The following ANKRD44 variants were observed in gnomAD, a reference collection of about 807,000 sequenced individuals.
ANKRD44 encodes the protein serine/threonine-protein phosphatase 6 regulatory ankyrin repeat subunit B.
A neutral mutation model predicts 116.0 loss-of-function variants in ANKRD44; 35 were observed. The ratio of observed to expected loss-of-function variants is 0.30; its 90% CI spans 0.23 to 0.40. The LOEUF is 0.40. Ranked by LOEUF, ANKRD44 falls within the 10% of genes least tolerant of loss-of-function variation. The pLI, the probability that ANKRD44 is intolerant of heterozygous loss-of-function variation, is 1.00. For missense variants in ANKRD44, 1,014 were observed against 1,242.6 expected, an observed-to-expected ratio of 0.82 and a Z score of 2.77; for synonymous variants, 435 against 461.8, an observed-to-expected ratio of 0.94 and a Z score of 0.74.
intron 2 of ANKRD44, among the ~76,000 whole-genome samples, chr2:197,179,127 A>C (rs1299514981): frequency 6.6e-6 from 1 of 152,204 alleles, no homozygotes; most frequent in Non-Finnish European, 1.5e-5. Context: ...AGTTGCTTCT[A>C]ATCCTGGACT....
intron 16 of ANKRD44, among the ~76,000 whole-genome samples, chr2:197,059,577 T>C (rs945735593): frequency 6.6e-6 from 1 of 152,178 alleles, no homozygotes; most frequent in African/African-American, 2.4e-5. Context: ...TTCAAGTAAG[T>C]AGGTAAAGAA....
intron 20 of ANKRD44, 122 bp from the exon 21 acceptor site, chr2:197,006,032 ACT>A (rs1559411289): frequency 4.7e-6 from 4 of 846,858 alleles, no homozygotes; most frequent in South Asian, 1.6e-5. Flanking sequence ...AGGAAGGCAG[ACT>A]CTGTCCTATT....
intron 16 of ANKRD44, among the ~76,000 whole-genome samples, chr2:197,070,555 T>C (rs528785024): frequency 2.6e-5 from 4 of 152,204 alleles, no homozygotes; most frequent in Non-Finnish European, 5.9e-5. Flanking sequence ...CTGACTGATT[T>C]TCAAATATTG....
chr2:197,081,673 T>C lies in ANKRD44; in HGVS notation c.1510A>G (p.Arg504Gly), dbSNP rs2077800051. The C allele has an allele frequency of 2.5e-6, 4 of 1,614,024 alleles. No individual in the cohort carries two copies. Among genetic ancestry groups the C allele is most frequent in the Non-Finnish European group, 3.4e-6 (4 of 1,179,898 alleles). Reference sequence around the variant, plus strand: ...GTGGCTTCCTTTTCCTTCAGCTCCCTGGCTCTTTCAAGTTCTTCTGAATTA... The same window carrying C: ...GTGGCTTCCTTTTCCTTCAGCTCCCCGGCTCTTTCAAGTTCTTCTGAATTA... ...HDNSEELERA[R>G]ELKEKEATLC... is the part of the protein sequence containing the mutation. Residue 504 changes from arginine to glycine, a missense_variant, in exon 15 of 28, where the codon AGG (arginine) becomes GGG (glycine). Arg to Gly is a moderately radical substitution (Grantham distance 125). Transcript: ENST00000282272.
intron 17 of ANKRD44, among the ~76,000 whole-genome samples, chr2:197,021,891 C>A (rs1157453097): frequency 6.6e-6 from 1 of 152,224 alleles, no homozygotes; most frequent in African/African-American, 2.4e-5. Context: ...GGGATCTCAA[C>A]AGAATCCATG....
rs376988652 is a variant in ANKRD44, at chr2:196,995,411, G to C, written c.2799C>G (p.Ser933Arg). 1 of 1,611,538 alleles carries C rather than the reference G, an allele frequency of 6.2e-7. No homozygotes were observed. Among genetic ancestry groups the C allele is most frequent in the Non-Finnish European group, 8.5e-7 (1 of 1,178,872 alleles). The change falls in exon 26 of 28, where the codon AGC becomes AGG. Residue 933 changes from serine (S) to arginine (R), a missense_variant. Transcript: ENST00000282272. The part of the protein sequence containing the change: ...LLILDKIQDE[S>R]LINEKNNALQ... ...GTGCATTATTTTTTTCATTAATAAGGCTCTCGTCTTGTATCTTGTCAAGTA... is the reference window on the plus strand; with the variant it reads ...GTGCATTATTTTTTTCATTAATAAGCCTCTCGTCTTGTATCTTGTCAAGTA...
chr2:197,306,077 G>A (rs1410539706), intron 1 of ANKRD44, among the ~76,000 whole-genome samples: 3 of 151,454 alleles, frequency 2.0e-5, no homozygotes, highest in African/African-American at 7.3e-5. Flanking sequence ...TATAAGCCAG[G>A]CAGGGGCAGA....
At position 197,083,419 on chromosome 2, in the gene ANKRD44, G is replaced by A; in HGVS notation, c.1407C>T (p.Asp469=). Residue 469 remains aspartate, a synonymous_variant, in exon 14 of 28, where the codon GAC becomes GAT. Coordinates refer to ENST00000282272, the MANE Select transcript of ANKRD44 (RefSeq NM_001195144.2). ...TTGANVNETD[D]WGRTALHYAA... ...CGTAATGCAAAGCTGTGCGTCCCCA[G>A]TCATCTGTTTCATTAACGTTGGCCC... 1 of 1,613,896 alleles carries A rather than the reference G, an allele frequency of 6.2e-7. No homozygotes were observed. The highest frequency in any genetic ancestry group is 2.2e-5 in the East Asian group (1 of 44,876).
chr2:197,237,064 C>T (rs945078464), intron 1 of ANKRD44, among the ~76,000 whole-genome samples: 8 of 152,068 alleles, frequency 5.3e-5, no homozygotes, highest in African/African-American at 1.9e-4. Context: ...TGAGAGGCAG[C>T]ATAGACTCGT....
chr2:197,031,246 T>G (rs2076701810), intron 16 of ANKRD44, among the ~76,000 whole-genome samples: 1 of 152,194 alleles, frequency 6.6e-6, no homozygotes, highest in South Asian at 2.1e-4. Flanking sequence ...ATACATACCT[T>G]ACAAAGTTTA....
intron 4 of ANKRD44, among the ~76,000 whole-genome samples, chr2:197,132,992 T>C (rs187603324): frequency 2.0e-5 from 3 of 152,330 alleles, no homozygotes; most frequent in Non-Finnish European, 4.4e-5. Context: ...CCTTTCCCTG[T>C]AGTACTCCCT....
chr2:197,039,657 G>A (rs1360678165), intron 16 of ANKRD44, among the ~76,000 whole-genome samples: 1 of 147,350 alleles, frequency 6.8e-6, no homozygotes, highest in Non-Finnish European at 1.5e-5. Context: ...TTACATGTGT[G>A]TGGTGGTGAT....
rs754476106 is a variant in ANKRD44, at chr2:196,998,361, T to C, written c.2724A>G (p.Thr908=). 5 of 1,613,446 alleles carry C rather than the reference T, an allele frequency of 3.1e-6. No individual in the cohort carries two copies. Among genetic ancestry groups the C allele is most frequent in the East Asian group, 2.2e-5 (1 of 44,840 alleles). The change falls in exon 25 of 28, where the codon ACA becomes ACG. Residue 908 remains threonine (T), a synonymous_variant. Coordinates refer to ENST00000282272, the MANE Select transcript of ANKRD44 (RefSeq NM_001195144.2). ...CTTTACTACAAGCCAAATGTAAGGGTGTATTCAAGTCCTTATCCTTTACAG... is the reference window on the plus strand; with the variant it reads ...CTTTACTACAAGCCAAATGTAAGGGCGTATTCAAGTCCTTATCCTTTACAG... ...DLTVKDKDLN[T]PLHLACSKGH...
At chr2:197,057,175 T>C (rs542796221) in intron 16 of ANKRD44, among the ~76,000 whole-genome samples, 2 of 152,360 alleles carry the variant, frequency 1.3e-5, no homozygotes, top group African/African-American at 4.8e-5. Context: ...TGATGTTCCT[T>C]TCTACTCCTA....
chr2:197,245,924 T>C (rs2082181284), intron 1 of ANKRD44, among the ~76,000 whole-genome samples: 1 of 152,054 alleles, frequency 6.6e-6, no homozygotes, highest in Non-Finnish European at 1.5e-5. Context: ...AAATTGAGAG[T>C]AGAAAACAGA....
At chr2:196,976,739 C>T (rs776817143) in intron 21 of ANKRD44, among the ~76,000 whole-genome samples, 6 of 152,076 alleles carry the variant, frequency 3.9e-5, no homozygotes, top group South Asian at 2.1e-4. Flanking sequence ...TGGTGGTGCA[C>T]GCCTGTAGTC....
chr2:197,251,029 T>A (rs1010830403), intron 1 of ANKRD44: 1 of 152,242 alleles, frequency 6.6e-6, no homozygotes, highest in Non-Finnish European at 1.5e-5. Flanking sequence ...ACAAGCTTTA[T>A]ACTTTTTCTT....
chr2:197,096,031 C>A (rs975611241), intron 10 of ANKRD44, among the ~76,000 whole-genome samples: 2 of 152,080 alleles, frequency 1.3e-5, no homozygotes, highest in Non-Finnish European at 2.9e-5. Flanking sequence ...CTCTTGCTAC[C>A]ATGAGCTAAC....
At chr2:197,290,356 G>A (rs2083527652) in intron 1 of ANKRD44, among the ~76,000 whole-genome samples, 1 of 152,130 alleles carries the variant, frequency 6.6e-6, no homozygotes, top group Non-Finnish European at 1.5e-5. Flanking sequence ...GGTTAGTGAT[G>A]TTGAGCATTT....
Sources: allele counts gnomAD v4.1 joint callset (sites outside exome capture counted in the v4.1 genomes callset), GRCh38; gene constraint gnomAD v4.1.1; transcripts MANE v1.5; gene names NCBI Gene and HGNC (gene_info 2026-07-23, HGNC 2026-07-21).